The following ROBO1 variants were observed in gnomAD, a reference collection of about 807,000 sequenced individuals.
ROBO1 encodes the protein roundabout homolog 1.
Under a neutral mutation model 195.9 loss-of-function variants are expected in ROBO1, and 149 were observed. The observed-to-expected ratio is 0.76, with a 90% confidence interval of 0.67 to 0.87. The LOEUF (loss-of-function observed/expected upper bound fraction) is 0.87, where lower values mean the gene tolerates loss of function less well. ROBO1 is among the 40% of genes least tolerant of loss of function. ROBO1 has a pLI of 0.00. For synonymous variants in ROBO1, 816 were observed against 733.2 expected, an observed-to-expected ratio of 1.11 and a Z score of -1.82; for missense variants, 1,933 against 2,068.3, an observed-to-expected ratio of 0.93 and a Z score of 1.27.
At chr3:78,602,135 C>T (rs1033268098) in intron 29 of ROBO1, among the ~76,000 whole-genome samples, 2 of 151,678 alleles carry the variant, frequency 1.3e-5, no homozygotes, top group African/African-American at 2.4e-5. Context: ...AATTGTAATC[C>T]CCACTGTTGG....
chr3:79,333,912 T>G (rs535413849), intron 2 of ROBO1, among the ~76,000 whole-genome samples: 4 of 152,304 alleles, frequency 2.6e-5, no homozygotes, highest in African/African-American at 9.6e-5. Flanking sequence ...GCCTAACACA[T>G]GATAAAATGC....
At chr3:78,894,026 A>T (rs1331445679) in intron 4 of ROBO1, among the ~76,000 whole-genome samples, 1 of 152,214 alleles carries the variant, frequency 6.6e-6, no homozygotes, top group African/African-American at 2.4e-5. Context: ...TTTTGCCAGA[A>T]ATGTTTCATC....
chr3:79,609,964 C>A (rs892832069), intron 1 of ROBO1, among the ~76,000 whole-genome samples: 5 of 151,758 alleles, frequency 3.3e-5, no homozygotes, highest in African/African-American at 1.2e-4. Flanking sequence ...AATGTAATGC[C>A]TTTGAACTGT....
chr3:78,717,886 TAA>T lies in ROBO1; in HGVS notation c.658-5_658-4del, dbSNP rs750375001. On this transcript the variant is annotated splice_polypyrimidine_tract_variant and splice_region_variant and intron_variant, in intron 5 of 30. Coordinates refer to ENST00000464233, the MANE Select transcript of ROBO1 (RefSeq NM_002941.4). ...ATCATGAGCTTTCCTCCTCGTATCTTAAAAAAAAAGTTTCACAGGAATACTAT... is the reference window on the plus strand; with the variant it reads ...ATCATGAGCTTTCCTCCTCGTATCTTAAAAAAAGTTTCACAGGAATACTAT... The T allele has an allele frequency of 1.3e-6, 2 of 1,596,022 alleles. No individual in the cohort carries two copies. Among genetic ancestry groups the T allele is most frequent in the Non-Finnish European group, 1.7e-6 (2 of 1,168,576 alleles).
At chr3:79,601,098 C>T (rs4130750) in intron 1 of ROBO1, among the ~76,000 whole-genome samples, 126,673 of 151,840 alleles carry the variant, frequency 0.83, 52,971 homozygotes, top group Middle Eastern at 0.89. Flanking sequence ...TTCTGGAAAA[C>T]TGGAAAATGT....
At chr3:79,747,038 G>A (rs1003957810) in intron 1 of ROBO1, among the ~76,000 whole-genome samples, 2 of 152,112 alleles carry the variant, frequency 1.3e-5, no homozygotes, top group South Asian at 4.1e-4. Flanking sequence ...GGTATGTAAA[G>A]GAGTATTCCA....
In ROBO1 at chr3:78,953,996, T is replaced by A. The variant is rs559179523; in HGVS notation, c.173-15069A>T. On this transcript the variant is annotated intron_variant, in intron 3 of 30. Coordinates refer to ENST00000464233, the MANE Select transcript of ROBO1 (RefSeq NM_002941.4). ...ATTAGGATTCTTAGTAATTTGTAGA[T>A]GAATTAATTATTTTCCCTAGATTTT... Among the ~76,000 whole-genome samples the A allele has an allele frequency of 2.0e-5, 3 of 152,166 alleles. No individual in the cohort carries two copies. In the South Asian group the frequency reaches 6.2e-4, roughly 32 times the overall value.
intron 4 of ROBO1, among the ~76,000 whole-genome samples, chr3:78,787,914 T>G (rs1052181536): frequency 1.4e-4 from 20 of 145,512 alleles, no homozygotes; most frequent in Non-Finnish European, 2.2e-4. Flanking sequence ...GCCACAGAGT[T>G]AGACCCCTTC....
intron 2 of ROBO1, among the ~76,000 whole-genome samples, chr3:79,554,915 G>T (rs538225333): frequency 1.3e-5 from 2 of 152,050 alleles, no homozygotes; most frequent in Non-Finnish European, 2.9e-5. Context: ...TCAATCTGGC[G>T]TGTAGAAGAT....
At chr3:79,503,183 C>T (rs1368096326) in intron 2 of ROBO1, among the ~76,000 whole-genome samples, 2 of 152,094 alleles carry the variant, frequency 1.3e-5, no homozygotes, top group Non-Finnish European at 2.9e-5. Flanking sequence ...CTTCTGAAGC[C>T]AGCGAGACTA....
chr3:79,402,068 T>G (rs1333091769), intron 2 of ROBO1, among the ~76,000 whole-genome samples: 2 of 151,918 alleles, frequency 1.3e-5, no homozygotes, highest in Non-Finnish European at 2.9e-5. Flanking sequence ...AAGCTACTGT[T>G]CAGTGTGTTT....
intron 2 of ROBO1, among the ~76,000 whole-genome samples, chr3:79,523,953 G>T (rs929521876): frequency 6.6e-6 from 1 of 152,118 alleles, no homozygotes; most frequent in Non-Finnish European, 1.5e-5. Context: ...TGGATATGTG[G>T]TGTGCTTATT....
At chr3:79,102,862 G>T (rs558132802) in intron 3 of ROBO1, among the ~76,000 whole-genome samples, 2 of 151,658 alleles carry the variant, frequency 1.3e-5, no homozygotes, top group African/African-American at 4.8e-5. Context: ...TTTCTTTCAA[G>T]GAGCTTTTTA....
intron 2 of ROBO1, among the ~76,000 whole-genome samples, chr3:79,398,427 A>G (rs1481568049): frequency 6.6e-6 from 1 of 152,116 alleles, no homozygotes; most frequent in Non-Finnish European, 1.5e-5. Context: ...ACCTTTACAG[A>G]TGGAGGCTGA....
At chr3:79,626,592 G>A (rs903132323) in intron 1 of ROBO1, among the ~76,000 whole-genome samples, 2 of 152,116 alleles carry the variant, frequency 1.3e-5, no homozygotes, top group African/African-American at 4.8e-5. Flanking sequence ...ATCATTATAA[G>A]ACAAGGATGC....
chr3:79,327,596 T>C (rs2034264155), intron 2 of ROBO1, among the ~76,000 whole-genome samples: 2 of 151,962 alleles, frequency 1.3e-5, no homozygotes, highest in African/African-American at 4.8e-5. Flanking sequence ...TTTAAATATA[T>C]ATATATATGT....
In ROBO1 at chr3:79,738,523, T is replaced by C. The variant is rs563158372; in HGVS notation, c.-51+29229A>G. ...AAATAATAAAAAGTCTGTAGGTGCATTGACACTCATAGAAAAAAGTTATTC... is the reference window on the plus strand; with the variant it reads ...AAATAATAAAAAGTCTGTAGGTGCACTGACACTCATAGAAAAAAGTTATTC... On this transcript the variant is annotated intron_variant, in intron 1 of 30. Coordinates refer to ENST00000464233, the MANE Select transcript of ROBO1 (RefSeq NM_002941.4). Among the ~76,000 whole-genome samples, 35 of 151,614 alleles carry C rather than the reference T, an allele frequency of 2.3e-4. 1 individual carries two copies. The highest frequency in any genetic ancestry group is 6.2e-4 in the South Asian group (3 of 4,830).
At chr3:79,155,936 T>G (rs2080850588) in intron 2 of ROBO1, among the ~76,000 whole-genome samples, 1 of 151,856 alleles carries the variant, frequency 6.6e-6, no homozygotes, top group Non-Finnish European at 1.5e-5. Flanking sequence ...AATTAACAAG[T>G]GCCCACCAAA....
At position 78,631,152 on chromosome 3, in the gene ROBO1, T is replaced by C; in HGVS notation, c.3626+9A>G. ...ACACTGTTTACATCTGTTTGGATGCTCCTCTTACCTTTCATCTACAGAAAT... is the reference window on the plus strand; with the variant it reads ...ACACTGTTTACATCTGTTTGGATGCCCCTCTTACCTTTCATCTACAGAAAT... On this transcript the variant is annotated intron_variant, in intron 25 of 30. Transcript: ENST00000464233. 6.2e-7 allele frequency: 1 copy of C among 1,607,746 alleles called. No individual in the cohort carries two copies. The highest frequency in any genetic ancestry group is 8.5e-7 in the Non-Finnish European group (1 of 1,176,710).
Sources: gnomAD v4.1 joint callset for allele counts (sites outside exome capture counted in the v4.1 genomes callset) on GRCh38, gnomAD v4.1.1 for gene constraint, MANE v1.5 for transcripts, NCBI Gene and HGNC (gene_info 2026-07-23, HGNC 2026-07-21) for gene names.